SLC2A13: variants seen among roughly 807,000 people sequenced by gnomAD.
The protein encoded by SLC2A13 is solute carrier family 2 member 13.
In SLC2A13, 32 loss-of-function variants were observed where a neutral mutation model predicts 64.4. The observed-to-expected ratio is 0.50, with a 90% CI of 0.37 to 0.67. The LOEUF is 0.67. SLC2A13 is among the 30% of genes least tolerant of loss of function. The pLI, the probability that SLC2A13 is intolerant of heterozygous loss-of-function variation, is 0.00. For synonymous variants in SLC2A13, 338 were observed against 327.1 expected (o/e 1.03, Z -0.36); for missense variants, 743 against 829.2 (o/e 0.90, Z 1.28).
chr12:40,031,875 A>G (rs1027682879), intron 2 of SLC2A13, among the ~76,000 whole-genome samples: 1 of 152,252 alleles, frequency 6.6e-6, no homozygotes, highest in Non-Finnish European at 1.5e-5. Context: ...CTAAGGCAGT[A>G]GTAGGACTAC....
chr12:39,894,563 C>G (rs1944691397), intron 4 of SLC2A13, among the ~76,000 whole-genome samples: 1 of 152,006 alleles, frequency 6.6e-6, no homozygotes, highest in Non-Finnish European at 1.5e-5. Flanking sequence ...GTGGTTAAAC[C>G]CAGACTAAAA....
intron 1 of SLC2A13, among the ~76,000 whole-genome samples, chr12:40,063,122 T>C (rs895006510): frequency 6.6e-6 from 1 of 152,160 alleles, no homozygotes; most frequent in Non-Finnish European, 1.5e-5. Flanking sequence ...ACTTATTTTA[T>C]ATAGATACGC....
chr12:39,939,981 C>T (rs1440979522), intron 4 of SLC2A13, among the ~76,000 whole-genome samples: 4 of 152,102 alleles, frequency 2.6e-5, no homozygotes, highest in East Asian at 1.9e-4. Flanking sequence ...TGGAGACAGA[C>T]CTTGAATCTA....
At chr12:39,868,875 G>T (rs145608785) in intron 5 of SLC2A13, among the ~76,000 whole-genome samples, 1 of 152,108 alleles carries the variant, frequency 6.6e-6, no homozygotes, top group Non-Finnish European at 1.5e-5. Flanking sequence ...TTTGTATAAA[G>T]AGTTCCTTTG....
At chr12:39,954,459 C>T (rs1437467084) in intron 3 of SLC2A13, among the ~76,000 whole-genome samples, 1 of 152,110 alleles carries the variant, frequency 6.6e-6, no homozygotes, top group Non-Finnish European at 1.5e-5. Context: ...GGGGAAAGAG[C>T]TACTGGAAAG....
chr12:39,782,107 A>G (rs1941006645), intron 7 of SLC2A13, among the ~76,000 whole-genome samples: 1 of 152,216 alleles, frequency 6.6e-6, no homozygotes, highest in African/African-American at 2.4e-5. Flanking sequence ...ATCTTAGGAC[A>G]TAAAGACAAA....
intron 6 of SLC2A13, among the ~76,000 whole-genome samples, chr12:39,832,297 A>T (rs1462039961): frequency 6.6e-6 from 1 of 152,164 alleles, no homozygotes; most frequent in African/African-American, 2.4e-5. Context: ...TATGAAGTTA[A>T]ATTTAACAAT....
intron 7 of SLC2A13, among the ~76,000 whole-genome samples, chr12:39,783,727 G>A (rs550668226): frequency 6.6e-6 from 1 of 152,034 alleles, no homozygotes; most frequent in Admixed American, 6.6e-5. Flanking sequence ...TTGTTTTCTT[G>A]TAAATTTGTT....
At chr12:40,043,712 T>C (rs1565602728) in intron 2 of SLC2A13, among the ~76,000 whole-genome samples, 1 of 151,618 alleles carries the variant, frequency 6.6e-6, no homozygotes, top group Non-Finnish European at 1.5e-5. Flanking sequence ...CTGCCATCTT[T>C]GTCAACACTA....
At position 39,981,229 on chromosome 12, in the gene SLC2A13, T is replaced by C. The variant is rs1049365483; in HGVS notation, c.926-29864A>G. ...TGCCCACAAGAGAAAGCAGGAAAGA[T>C]CCAAAATTGACACCCTAACATCACA... On this transcript the variant is annotated intron_variant, in intron 3 of 9. Transcript: ENST00000280871. 8.5e-3 allele frequency among the ~76,000 whole-genome samples: 1,254 copies of C among 148,230 alleles called. 15 individuals are homozygous for C. The highest frequency in any genetic ancestry group is 0.03 in the African/African-American group (1,200 of 39,704).
intron 4 of SLC2A13, among the ~76,000 whole-genome samples, chr12:39,900,958 C>A (rs932247388): frequency 1.3e-5 from 2 of 152,072 alleles, no homozygotes; most frequent in Non-Finnish European, 2.9e-5. Context: ...GCAACAGTAA[C>A]CAAAACAGCA....
intron 4 of SLC2A13, among the ~76,000 whole-genome samples, chr12:39,926,306 C>A (rs58561102): frequency 6.6e-6 from 1 of 152,004 alleles, no homozygotes; most frequent in Non-Finnish European, 1.5e-5. Flanking sequence ...TTTTTAAGAA[C>A]ATCTTACATA....
intron 3 of SLC2A13, among the ~76,000 whole-genome samples, chr12:39,982,964 T>C (rs1044462912): frequency 2.1e-5 from 3 of 141,304 alleles, no homozygotes; most frequent in African/African-American, 5.1e-5. Context: ...AGCATGGTAC[T>C]GGTACCAAAA....
At chr12:39,922,076 C>CT (rs1945623817) in intron 4 of SLC2A13, among the ~76,000 whole-genome samples, 1 of 151,976 alleles carries the variant, frequency 6.6e-6, no homozygotes, top group Non-Finnish European at 1.5e-5. Flanking sequence ...TTATGTATGT[C>CT]TTAGTGTTCG....
Position 39,759,851 on chromosome 12 carries a change from GAAAAA to G in SLC2A13, c.*170_*174del. ...ATTTTTTAAAATATTGTTCCTTGTG[GAAAAA>G]AAAAGTCATCATGGTTGTATCTTCC... On this transcript the variant is annotated 3_prime_UTR_variant, in exon 10 of 10. Coordinates refer to ENST00000280871, the MANE Select transcript of SLC2A13 (RefSeq NM_052885.4). 2 of 553,418 alleles carry G rather than the reference GAAAAA, an allele frequency of 3.6e-6. No homozygotes were observed. The highest frequency in any genetic ancestry group is 3.2e-6 in the Non-Finnish European group (1 of 314,544). The allele number at this position is 553,418 out of a possible 1,614,324, so 34.3% of individuals were successfully genotyped here.
chr12:40,049,996 C>A (rs1232769121), intron 1 of SLC2A13, among the ~76,000 whole-genome samples: 1 of 152,080 alleles, frequency 6.6e-6, no homozygotes, highest in Non-Finnish European at 1.5e-5. Context: ...TATTAACAGT[C>A]TTCACAATTA....
intron 6 of SLC2A13, among the ~76,000 whole-genome samples, chr12:39,838,298 A>T (rs1943075759): frequency 7.0e-6 from 1 of 143,048 alleles, no homozygotes; most frequent in Non-Finnish European, 1.5e-5. Flanking sequence ...CAATGAGATC[A>T]CATGGACACA....
chr12:39,826,454 G>T, intron 7 of SLC2A13, among the ~76,000 whole-genome samples: 1 of 147,050 alleles, frequency 6.8e-6, no homozygotes. Context: ...AATTTTTCTG[G>T]GTTTTTTTTT....
chr12:39,773,721 A>G (rs1940668320), intron 7 of SLC2A13, among the ~76,000 whole-genome samples: 1 of 152,194 alleles, frequency 6.6e-6, no homozygotes. Context: ...AGGCTTATAT[A>G]TGGGAGTAGA....
Sources: gnomAD v4.1 joint callset for allele counts (sites outside exome capture counted in the v4.1 genomes callset) on GRCh38, gnomAD v4.1.1 for gene constraint, MANE v1.5 for transcripts, NCBI Gene and HGNC (gene_info 2026-07-23, HGNC 2026-07-21) for gene names.